RYR3: variants seen among roughly 807,000 people sequenced by gnomAD.
RYR3 encodes ryanodine receptor 3.
In RYR3, 207 loss-of-function variants were observed where a neutral mutation model predicts 584.3. That is an observed-to-expected ratio of 0.35 (90% CI 0.32 to 0.40). The LOEUF (loss-of-function observed/expected upper bound fraction) is 0.40, where lower values mean the gene tolerates loss of function less well. Ranked by LOEUF, RYR3 falls within the 10% of genes least tolerant of loss-of-function variation. The pLI is 1.00. For synonymous variants in RYR3, 2,416 were observed against 2,248.5 expected, an observed-to-expected ratio of 1.07 and a Z score of -2.11; for missense variants, 5,616 against 6,089.2, an observed-to-expected ratio of 0.92 and a Z score of 2.59.
At chr15:33,714,746 A>T (rs1407357137) in intron 43 of RYR3, among the ~76,000 whole-genome samples, 1 of 152,220 alleles carries the variant, frequency 6.6e-6, no homozygotes, top group Non-Finnish European at 1.5e-5. Context: ...TAGATTTATT[A>T]TCAGTGGCCA....
At chr15:33,384,418 TG>T (rs376664412) in intron 1 of RYR3, among the ~76,000 whole-genome samples, 120 of 149,354 alleles carry the variant, frequency 8.0e-4, no homozygotes, top group African/African-American at 2.7e-3. Context: ...ATTTTGTACT[TG>T]TTTTTTTGGT....
At chr15:33,400,051 G>T (rs528166333) in intron 1 of RYR3, among the ~76,000 whole-genome samples, 1 of 151,912 alleles carries the variant, frequency 6.6e-6, no homozygotes, top group East Asian at 1.9e-4. Flanking sequence ...CTCCTTTCTC[G>T]CAAGGAAAAC....
At chr15:33,791,216 TCAC>T (rs1419022195) in intron 67 of RYR3, among the ~76,000 whole-genome samples, 1 of 152,198 alleles carries the variant, frequency 6.6e-6, no homozygotes, top group African/African-American at 2.4e-5. Flanking sequence ...GGTTGTTTCT[TCAC>T]CAATGGGAAG....
At chr15:33,656,030 C>T (rs2062806631) in intron 32 of RYR3, among the ~76,000 whole-genome samples, 1 of 152,138 alleles carries the variant, frequency 6.6e-6, no homozygotes, top group African/African-American at 2.4e-5. Context: ...TAATCAGTGG[C>T]GAATTTGAGA....
At chr15:33,444,903 A>T (rs1050157993) in intron 1 of RYR3, among the ~76,000 whole-genome samples, 7 of 126,150 alleles carry the variant, frequency 5.5e-5, no homozygotes, top group East Asian at 2.0e-4. Context: ...CTTAAAGTAT[A>T]AAAAAAAAAA....
intron 2 of RYR3, among the ~76,000 whole-genome samples, chr15:33,494,818 G>A (rs1319060221): frequency 1.3e-5 from 2 of 152,018 alleles, no homozygotes; most frequent in East Asian, 3.9e-4. Context: ...TTTTACCATA[G>A]CAAAATACCT....
At chr15:33,584,818 A>C (rs1324569062) in intron 15 of RYR3, among the ~76,000 whole-genome samples, 1 of 147,094 alleles carries the variant, frequency 6.8e-6, no homozygotes, top group Non-Finnish European at 1.5e-5. Flanking sequence ...TCTCCTTCTA[A>C]CTCCCATTAT....
intron 41 of RYR3, 80 bp downstream of exon 41, chr15:33,699,913 G>A: frequency 2.1e-6 from 3 of 1,429,576 alleles, no homozygotes; most frequent in South Asian, 1.3e-5. Context: ...AAAATACAGG[G>A]AAAGGAGCCA....
chr15:33,559,042 T>TGGTACC (rs2057260391), intron 10 of RYR3, among the ~76,000 whole-genome samples: 1 of 152,192 alleles, frequency 6.6e-6, no homozygotes, highest in Admixed American at 6.5e-5. Context: ...ATTAGTTGTC[T>TGGTACC]GGTACCGGCC....
At chr15:33,684,246 C>T (rs1596141736) in intron 38 of RYR3, among the ~76,000 whole-genome samples, 1 of 152,354 alleles carries the variant, frequency 6.6e-6, no homozygotes, top group Admixed American at 6.5e-5. Flanking sequence ...GGGCAACACA[C>T]ACCTCATATA....
At chr15:33,546,468 TA>T (rs1268607579) in intron 8 of RYR3, among the ~76,000 whole-genome samples, 3 of 152,206 alleles carry the variant, frequency 2.0e-5, no homozygotes, top group Admixed American at 6.5e-5. Flanking sequence ...CATTTCCCGA[TA>T]ACATGTACAT....
At chr15:33,851,456 C>G (rs1440378658) in intron 94 of RYR3, 1 of 152,076 alleles carries the variant, frequency 6.6e-6, no homozygotes, top group African/African-American at 2.4e-5. Context: ...GCATCTTGTA[C>G]TTTTTCCCTG....
Position 33,646,327 on chromosome 15 carries a change from G to C in RYR3, c.3766-24G>C, listed in dbSNP as rs538182470. On this transcript the variant is annotated intron_variant, in intron 28 of 103. Transcript: ENST00000634891. ...AAGGTCAGGCCCTTTGGTATGTCAA[G>C]GTAAGGACTCGTCCTGTTTCCAGGT... is the stretch of plus-strand genomic sequence containing the variant. The C allele has an allele frequency of 1.7e-5, 26 of 1,575,238 alleles. No homozygotes were observed. The South Asian group carries it at 3.1e-4, about 19-fold the overall frequency.
intron 102 of RYR3, among the ~76,000 whole-genome samples, chr15:33,863,132 C>G (rs1319707034): frequency 6.6e-6 from 1 of 152,128 alleles, no homozygotes. Flanking sequence ...TGGTCTCTTT[C>G]CTATCTCTAT....
chr15:33,486,091 G>A (rs2050394847), intron 2 of RYR3, among the ~76,000 whole-genome samples: 1 of 152,202 alleles, frequency 6.6e-6, no homozygotes, highest in South Asian at 2.1e-4. Context: ...CTGACTTGGA[G>A]CGTGGAAGAT....
intron 1 of RYR3, among the ~76,000 whole-genome samples, chr15:33,365,617 C>G (rs186954871): frequency 1.3e-5 from 2 of 152,194 alleles, no homozygotes; most frequent in Non-Finnish European, 2.9e-5. Flanking sequence ...ATCTACTATA[C>G]AGCACAGCAC....
chr15:33,727,725 T>A (rs1405573342), intron 46 of RYR3, among the ~76,000 whole-genome samples: 4 of 152,178 alleles, frequency 2.6e-5, no homozygotes, highest in African/African-American at 9.7e-5. Context: ...TCGGACTTAA[T>A]TTTTGTCCTC....
intron 2 of RYR3, among the ~76,000 whole-genome samples, chr15:33,499,507 T>C (rs550111509): frequency 1.7e-4 from 26 of 152,340 alleles, no homozygotes; most frequent in Non-Finnish European, 2.9e-4. Context: ...CTTATTTTTA[T>C]ACAAATAAGA....
chr15:33,546,771 T>C (rs983252733), intron 8 of RYR3, among the ~76,000 whole-genome samples: 4 of 152,206 alleles, frequency 2.6e-5, no homozygotes, highest in African/African-American at 9.6e-5. Context: ...CAAGCTCATA[T>C]TTTGAATCGA....
Sources: allele counts gnomAD v4.1 joint callset (sites outside exome capture counted in the v4.1 genomes callset), GRCh38; gene constraint gnomAD v4.1.1; transcripts MANE v1.5; gene names NCBI Gene and HGNC (gene_info 2026-07-23, HGNC 2026-07-21).